Variants in ZNF69 observed in about 807,000 individuals in gnomAD.
ZNF69 encodes the protein ZNF3.
ZNF69 carries 47 observed loss-of-function variants against 50.9 expected under a neutral mutation model. The observed-to-expected ratio is 0.92, with a 90% confidence interval of 0.73 to 1.18. The LOEUF is 1.18. Ranked by LOEUF, ZNF69 falls within the 50% of genes most tolerant of loss-of-function variation. The pLI is 0.00. For missense variants in ZNF69, 717 were observed against 675.1 expected (o/e 1.06, Z -0.69); for synonymous variants, 216 against 223.1 (o/e 0.97, Z 0.29).
chr19:11,906,223 A>G lies in ZNF69; in HGVS notation c.*125A>G. The G allele has an allele frequency of 6.6e-7, 1 of 1,525,306 alleles. No individual in the cohort carries two copies. The highest frequency in any genetic ancestry group is 8.7e-7 in the Non-Finnish European group (1 of 1,144,666). The allele number at this position is 1,525,306 out of a possible 1,614,324, so 94.5% of individuals were successfully genotyped here. ...TGCCCAGAACCTTCGAATTCAGTAA[A>G]GGACACAAGCACACATAAGAATGCA... On this transcript the variant is annotated 3_prime_UTR_variant, in exon 4 of 4. Coordinates refer to ENST00000429654, the MANE Select transcript of ZNF69 (RefSeq NM_001364730.1).
Position 11,906,272 on chromosome 19 carries a change from A to G in ZNF69, c.*174A>G, listed in dbSNP as rs1302423928. 4 of 1,459,984 alleles carry G rather than the reference A, an allele frequency of 2.7e-6. No individual in the cohort carries two copies. The highest frequency in any genetic ancestry group is 3.6e-6 in the Non-Finnish European group (4 of 1,114,178). 90.4% of individuals were successfully genotyped at this position (1,459,984 alleles called of 1,614,324 possible). On this transcript the variant is annotated 3_prime_UTR_variant, in exon 4 of 4. Transcript: ENST00000429654. Reference sequence around the variant, plus strand: ...CATTCTGGATAGCTGAACAAAAGGCAGCAGAAACTTCTGCAGACTTAAATG... The same window carrying G: ...CATTCTGGATAGCTGAACAAAAGGCGGCAGAAACTTCTGCAGACTTAAATG...
the ZNF69 span, among the ~76,000 whole-genome samples, chr19:11,962,307 A>G: frequency 6.6e-6 from 1 of 152,206 alleles, no homozygotes; most frequent in Non-Finnish European, 1.5e-5. Flanking sequence ...TAGTGAGAGA[A>G]AGATTCTTTC....
At chr19:11,888,758 A>G (rs1977009658) in intron 1 of ZNF69, among the ~76,000 whole-genome samples, 1 of 152,162 alleles carries the variant, frequency 6.6e-6, no homozygotes, top group East Asian at 1.9e-4. Context: ...ACCTGAGGTC[A>G]GGAGTTCAAG....
chr19:11,892,601 A>G (rs1156677319), intron 1 of ZNF69, among the ~76,000 whole-genome samples: 1 of 152,084 alleles, frequency 6.6e-6, no homozygotes, highest in Admixed American at 6.6e-5. Context: ...TCAATTGTGA[A>G]AAATCATATT....
the ZNF69 span, among the ~76,000 whole-genome samples, chr19:11,960,309 C>A: frequency 6.6e-6 from 1 of 152,184 alleles, no homozygotes; most frequent in African/African-American, 2.4e-5. Context: ...TGCGCCACTG[C>A]GCCCGTCTCT....
the ZNF69 span, among the ~76,000 whole-genome samples, chr19:11,968,669 G>A: frequency 6.6e-6 from 1 of 152,078 alleles, no homozygotes; most frequent in Non-Finnish European, 1.5e-5. Context: ...CAACATGATA[G>A]CCATGGAGTC....
chr19:11,948,890 G>A, the ZNF69 span: 4 of 1,604,088 alleles, frequency 2.5e-6, no homozygotes, highest in Non-Finnish European at 2.5e-6. Context: ...GCATTTCATA[G>A]TTCTAGTTCC....
rs952293731 is a variant in ZNF69, at chr19:11,905,501, C to G, written c.1104C>G (p.Gly368=). 1 of 1,614,122 alleles carries G rather than the reference C, an allele frequency of 6.2e-7. No homozygotes were observed. The highest frequency in any genetic ancestry group is 2.2e-5 in the East Asian group (1 of 44,878). The change falls in exon 4 of 4, where the codon GGC becomes GGG. Residue 368 remains glycine, a synonymous_variant. Transcript: ENST00000429654. The stretch of plus-strand genomic sequence containing the variant: ...ATGAATGTAAGATATGTGGGAAAGG[C>G]TTTTGTTCTGCCAATTCATTTCAAA... ...RPYECKICGK[G]FCSANSFQRH... is the part of the protein sequence containing the mutation.
Position 11,887,820 on chromosome 19 carries a change from C to T in ZNF69, c.-104C>T, listed in dbSNP as rs990847907. Reference sequence around the variant, plus strand: ...ACACTGAGGGGGTCGCATTCCTTACCTCACCTTTGTCCCTGCGCGGGCTGC... The same window carrying T: ...ACACTGAGGGGGTCGCATTCCTTACTTCACCTTTGTCCCTGCGCGGGCTGC... On this transcript the variant is annotated 5_prime_UTR_variant, in exon 1 of 4. Transcript: ENST00000429654. The T allele has an allele frequency of 1.0e-6, 1 of 1,000,730 alleles. No individual in the cohort carries two copies. Among genetic ancestry groups the T allele is most frequent in the Non-Finnish European group, 1.5e-6 (1 of 662,250 alleles). The allele number at this position is 1,000,730 out of a possible 1,614,324, so 62.0% of individuals were successfully genotyped here.
chr19:11,979,092 TG>T, the ZNF69 span: 1 of 1,614,102 alleles, frequency 6.2e-7, no homozygotes, highest in Non-Finnish European at 8.5e-7. Context: ...GAATGCGCTC[TG>T]GAGAAAGACC....
At position 11,905,232 on chromosome 19, in the gene ZNF69, C is replaced by T; in HGVS notation, c.835C>T (p.Gln279Ter). Residue 279 changes from glutamine (Q) to a stop codon, truncating the protein, a stop_gained, in exon 4 of 4, where the codon CAG becomes TAG. Transcript: ENST00000429654. LOFTEE classifies it high-confidence loss of function. ...THTGEKPYEC[Q>*]QCGKAFHSPR... is the part of the protein sequence containing the mutation. ...CACTGGAGAAAAGCCTTATGAATGT[C>T]AGCAATGTGGGAAAGCATTTCATAG... 1 of 1,614,046 alleles carries T rather than the reference C, an allele frequency of 6.2e-7. No individual in the cohort carries two copies. Among genetic ancestry groups the T allele is most frequent in the South Asian group, 1.1e-5 (1 of 91,070 alleles).
At chr19:11,980,174 G>C in the ZNF69 span, 1 of 598,868 alleles carries the variant, frequency 1.7e-6, no homozygotes, top group Non-Finnish European at 2.9e-6. Flanking sequence ...GAGGTCAGGA[G>C]TTCAAGACTG....
downstream of ZNF69, among the ~76,000 whole-genome samples, chr19:11,915,566 T>G (rs778552536): frequency 1.3e-5 from 2 of 152,130 alleles, no homozygotes; most frequent in Non-Finnish European, 2.9e-5. Context: ...TGGAAGTCAG[T>G]GACATTGGTG....
At chr19:11,960,155 G>A in the ZNF69 span, among the ~76,000 whole-genome samples, 7 of 151,158 alleles carry the variant, frequency 4.6e-5, no homozygotes, top group South Asian at 2.1e-4. Flanking sequence ...GTGCCTTAGC[G>A]TCCCGGGGCG....
intron 1 of ZNF69, among the ~76,000 whole-genome samples, chr19:11,896,129 G>T (rs1049395223): frequency 6.9e-6 from 1 of 145,340 alleles, no homozygotes; most frequent in African/African-American, 2.6e-5. Context: ...TGAAACAGGA[G>T]AATCACGAGA....
rs778937790 is a variant in ZNF69 at position 11,905,311 on chromosome 19, A to G, written c.914A>G (p.Gln305Arg). Residue 305 changes from glutamine to arginine, a missense_variant, in exon 4 of 4, where the codon CAA (glutamine) becomes CGA (arginine). Physicochemically the swap from Gln to Arg is conservative, Grantham distance 43 (BLOSUM62 1). Coordinates refer to ENST00000429654, the MANE Select transcript of ZNF69 (RefSeq NM_001364730.1). ...ATTCACACGGGAGAGAAGGCTTATC[A>G]ATGTAAGGAATGTGGAAAAGCATTC... ...ERIHTGEKAY[Q>R]CKECGKAFTC... 28 of 1,614,032 alleles carry G rather than the reference A, an allele frequency of 1.7e-5. No individual in the cohort carries two copies. In the African/African-American group the frequency reaches 2.9e-4, roughly 17 times the overall value.
chr19:11,919,398 G>A, the ZNF69 span, among the ~76,000 whole-genome samples: 12 of 151,834 alleles, frequency 7.9e-5, no homozygotes, highest in East Asian at 1.9e-4. Flanking sequence ...TGATTACATC[G>A]TCTCCAAAGC....
chr19:11,958,555 A>G, the ZNF69 span, among the ~76,000 whole-genome samples: 2 of 152,184 alleles, frequency 1.3e-5, no homozygotes, highest in Non-Finnish European at 2.9e-5. Context: ...TTTGGTGGGC[A>G]TTGAGACCCC....
the ZNF69 span, chr19:11,924,980 G>C: frequency 2.1e-5 from 10 of 465,668 alleles, no homozygotes; most frequent in Middle Eastern, 3.4e-4. Flanking sequence ...CTGGCTCTGC[G>C]GGGCCTGATA....
Sources: allele counts gnomAD v4.1 joint callset (sites outside exome capture counted in the v4.1 genomes callset), GRCh38; gene constraint gnomAD v4.1.1; transcripts MANE v1.5; gene names NCBI Gene and HGNC (gene_info 2026-07-23, HGNC 2026-07-21).